SEPTIN10: variants seen among roughly 807,000 people sequenced by gnomAD.
The protein encoded by SEPTIN10 is septin 10.
Under a neutral mutation model 54.8 loss-of-function variants are expected in SEPTIN10, and 66 were observed. That is an observed-to-expected ratio of 1.21 (90% CI 0.99 to 1.48). The LOEUF (loss-of-function observed/expected upper bound fraction) is 1.48, where lower values mean the gene tolerates loss of function less well. Ranked by LOEUF, SEPTIN10 falls within the 40% of genes most tolerant of loss-of-function variation. SEPTIN10 has a pLI of 0.00. For missense variants in SEPTIN10, 620 were observed against 545.6 expected (o/e 1.14, Z -1.36); for synonymous variants, 161 against 181.0 (o/e 0.89, Z 0.89).
intron 10 of SEPTIN10, chr2:109,544,532 A>T: frequency 1.0e-6 from 1 of 984,458 alleles, no homozygotes; most frequent in Non-Finnish European, 1.2e-6. Flanking sequence ...TGATTTTGCA[A>T]ACAACAGCAG....
At chr2:109,564,943 C>A (rs1204112564) in intron 7 of SEPTIN10, among the ~76,000 whole-genome samples, 1 of 152,158 alleles carries the variant, frequency 6.6e-6, no homozygotes, top group African/African-American at 2.4e-5. Flanking sequence ...GTAGTAAATT[C>A]TGCAAACTCA....
Position 109,545,519 on chromosome 2 carries a change from A to AGTTCG in SEPTIN10, c.1349+526_1349+530dup, listed in dbSNP as rs759008463. On this transcript the variant is annotated intron_variant, in intron 10 of 10. Transcript: ENST00000397712. The stretch of plus-strand genomic sequence containing the variant: ...ACAAGCTCTGACATCAATGCACAGG[A>AGTTCG]GTTCGAATCGACAGCCTGGTTCCCT... The AGTTCG allele has an allele frequency of 5.1e-4, 789 of 1,536,070 alleles. 1 individual carries two copies. Among genetic ancestry groups the AGTTCG allele is most frequent in the Non-Finnish European group, 5.8e-4 (670 of 1,146,864 alleles).
At chr2:109,564,558 GAAC>G (rs1315293454) in intron 7 of SEPTIN10, 24 bp from the exon 8 acceptor site, 7 of 1,459,098 alleles carry the variant, frequency 4.8e-6, no homozygotes, top group Non-Finnish European at 6.4e-6. Context: ...AATAAGAAAA[GAAC>G]AACACTGGAT....
At chr2:109,566,369 T>G (rs564847068) in intron 6 of SEPTIN10, among the ~76,000 whole-genome samples, 2 of 152,034 alleles carry the variant, frequency 1.3e-5, no homozygotes, top group East Asian at 3.9e-4. Flanking sequence ...GATCCACCTG[T>G]CTTGGGATTA....
At chr2:109,584,457 A>G (rs1009536279) in intron 4 of SEPTIN10, among the ~76,000 whole-genome samples, 8 of 138,420 alleles carry the variant, frequency 5.8e-5, no homozygotes, top group African/African-American at 2.3e-4. Flanking sequence ...ACTGGGTGAC[A>G]GAGCGAGACT....
intron 4 of SEPTIN10, among the ~76,000 whole-genome samples, chr2:109,584,555 TC>T (rs34494704): frequency 6.6e-6 from 1 of 151,970 alleles, no homozygotes; most frequent in Non-Finnish European, 1.5e-5. Flanking sequence ...CCAATCCTTT[TC>T]CCCCTTTCAT....
At chr2:109,577,008 T>C (rs1304780088) in intron 4 of SEPTIN10, among the ~76,000 whole-genome samples, 3 of 151,922 alleles carry the variant, frequency 2.0e-5, no homozygotes, top group Non-Finnish European at 4.4e-5. Context: ...CAGGGTAAAT[T>C]AGAAATAATA....
At chr2:109,550,605 C>T (rs373521061) in intron 9 of SEPTIN10, among the ~76,000 whole-genome samples, 28 of 152,244 alleles carry the variant, frequency 1.8e-4, no homozygotes, top group Middle Eastern at 3.4e-3. Flanking sequence ...TGAGCCACCA[C>T]GCCCGGCCCC....
Position 109,565,870 on chromosome 2 carries a change from A to G in SEPTIN10, c.763-11T>C, listed in dbSNP as rs549803354. The G allele has an allele frequency of 1.3e-4, 202 of 1,609,360 alleles. 3 individuals are homozygous for G. The South Asian group carries it at 2.1e-3, about 17-fold the overall frequency. ...AAACGGCAACTGTCCCTGAAAAAGA[A>G]TATCGAGCACATCTTCTCATACCAC... On this transcript the variant is annotated splice_polypyrimidine_tract_variant and intron_variant, in intron 6 of 10. Transcript: ENST00000397712.
Position 109,570,091 on chromosome 2 carries a change from G to A in SEPTIN10, c.601-2115C>T, listed in dbSNP as rs540403112. ...AATCAAGTAATTTCAGCATATCCTAGTTTTTCTTTTAAACTTAAAACAAAG... is the reference window on the plus strand; with the variant it reads ...AATCAAGTAATTTCAGCATATCCTAATTTTTCTTTTAAACTTAAAACAAAG... On this transcript the variant is annotated intron_variant, in intron 5 of 10. Transcript: ENST00000397712. Among the ~76,000 whole-genome samples the A allele has an allele frequency of 6.1e-4, 93 of 152,150 alleles. 1 individual carries two copies. The highest frequency in any genetic ancestry group is 2.1e-3 in the South Asian group (10 of 4,820).
intron 4 of SEPTIN10, among the ~76,000 whole-genome samples, chr2:109,580,406 C>T (rs1690837140): frequency 6.8e-6 from 1 of 147,286 alleles, no homozygotes; most frequent in Non-Finnish European, 1.5e-5. Flanking sequence ...AAAAAAAGAA[C>T]TTTTACTAAT....
chr2:109,597,223 G>A (rs1156678896), intron 1 of SEPTIN10, among the ~76,000 whole-genome samples: 1 of 152,248 alleles, frequency 6.6e-6, no homozygotes, highest in Non-Finnish European at 1.5e-5. Context: ...TTATAGGCAT[G>A]AGCCACCGTG....
intron 5 of SEPTIN10, among the ~76,000 whole-genome samples, chr2:109,568,656 A>C (rs1432476444): frequency 4.0e-5 from 4 of 99,068 alleles, no homozygotes; most frequent in Non-Finnish European, 8.2e-5. Flanking sequence ...ATGTGATAAA[A>C]GGTAAACTGA....
intron 1 of SEPTIN10, among the ~76,000 whole-genome samples, chr2:109,612,342 G>C (rs1310036581): frequency 6.6e-6 from 1 of 152,164 alleles, no homozygotes; most frequent in Non-Finnish European, 1.5e-5. Context: ...TTATAAAAAG[G>C]CATTAAGGGA....
intron 5 of SEPTIN10, among the ~76,000 whole-genome samples, chr2:109,572,259 T>C (rs1256778152): frequency 2.6e-5 from 4 of 152,078 alleles, no homozygotes; most frequent in Non-Finnish European, 4.4e-5. Context: ...GTCTCCCGAG[T>C]AGCCGGGACT....
intron 10 of SEPTIN10, chr2:109,545,484 C>T: frequency 6.5e-7 from 1 of 1,536,156 alleles, no homozygotes; most frequent in Non-Finnish European, 8.7e-7. Context: ...TTACGTCCAC[C>T]ATTGGTTTCA....
chr2:109,608,982 T>C (rs892183533), intron 1 of SEPTIN10, among the ~76,000 whole-genome samples: 4 of 152,238 alleles, frequency 2.6e-5, no homozygotes, highest in African/African-American at 9.6e-5. Flanking sequence ...AGAGGGACTC[T>C]ATCCTGCAGT....
intron 2 of SEPTIN10, among the ~76,000 whole-genome samples, chr2:109,587,090 C>T (rs1428246989): frequency 6.6e-6 from 1 of 152,040 alleles, no homozygotes; most frequent in Non-Finnish European, 1.5e-5. Flanking sequence ...CAGGTAAGAA[C>T]TTTAAATAAT....
intron 2 of SEPTIN10, 135 bp from the exon 3 acceptor site, chr2:109,585,973 C>T (rs892480759): frequency 2.2e-5 from 14 of 625,018 alleles, no homozygotes; most frequent in Middle Eastern, 3.2e-4. Flanking sequence ...ACCTAAGATA[C>T]AAGCGATTAA....
Sources: gnomAD v4.1 joint callset for allele counts (sites outside exome capture counted in the v4.1 genomes callset) on GRCh38, gnomAD v4.1.1 for gene constraint, MANE v1.5 for transcripts, NCBI Gene and HGNC (gene_info 2026-07-23, HGNC 2026-07-21) for gene names.